The following OR1J2 variants were observed in gnomAD, a reference collection of about 807,000 sequenced individuals.
The protein encoded by OR1J2 is olfactory receptor family 1 subfamily J member 2.
For synonymous variants in OR1J2, 142 were observed against 99.7 expected (o/e 1.42, Z -2.52); for missense variants, 304 against 246.1 (o/e 1.24, Z -1.57).
the OR1J2 span, among the ~76,000 whole-genome samples, chr9:122,525,283 G>C: frequency 6.6e-6 from 1 of 152,154 alleles, no homozygotes; most frequent in Admixed American, 6.5e-5. Flanking sequence ...GCCTGGAACA[G>C]TTTGATTCCA....
the OR1J2 span, among the ~76,000 whole-genome samples, chr9:122,533,441 C>T: frequency 8.6e-5 from 13 of 151,976 alleles, no homozygotes; most frequent in Admixed American, 5.9e-4. Flanking sequence ...GGTGCATGAT[C>T]GGTTGCTAAG....
the OR1J2 span, among the ~76,000 whole-genome samples, chr9:122,450,595 G>T: frequency 6.6e-6 from 1 of 152,214 alleles, no homozygotes; most frequent in South Asian, 2.1e-4. Flanking sequence ...TTTCTTTGTG[G>T]TGAGAACATC....
At chr9:122,568,514 T>C in the OR1J2 span, 2 of 1,220,878 alleles carry the variant, frequency 1.6e-6, no homozygotes, top group South Asian at 2.9e-5. Flanking sequence ...AGTTTTGTCA[T>C]TTAACATGCT....
the OR1J2 span, among the ~76,000 whole-genome samples, chr9:122,558,880 T>A: frequency 6.6e-6 from 1 of 152,028 alleles, no homozygotes; most frequent in Non-Finnish European, 1.5e-5. Flanking sequence ...TCCCTTATAA[T>A]GTGGAAGTTT....
At chr9:122,546,389 A>G in the OR1J2 span, among the ~76,000 whole-genome samples, 1 of 152,160 alleles carries the variant, frequency 6.6e-6, no homozygotes, top group South Asian at 2.1e-4. Context: ...TGGGATTTTC[A>G]TAGGCTAGTT....
the OR1J2 span, among the ~76,000 whole-genome samples, chr9:122,564,164 G>A: frequency 6.6e-6 from 1 of 152,054 alleles, no homozygotes; most frequent in Admixed American, 6.6e-5. Flanking sequence ...CATCACTGTT[G>A]CCCTCTAGTT....
chr9:122,510,854 C>T lies in OR1J2; in HGVS notation c.53C>T (p.Pro18Leu), dbSNP rs749849611. The change falls in exon 1 of 1, where the codon CCC (proline) becomes CTC (leucine). Residue 18 changes from proline (P) to leucine (L), a missense_variant. Pro to Leu is a moderately conservative substitution (Grantham distance 98). Coordinates refer to ENST00000335302, the MANE Select transcript of OR1J2 (RefSeq NM_054107.1). Reference sequence around the variant, plus strand: ...TCCGAGTTCCTCCTTCTGGGCCTCCCCATCCGGCCAGAGCAGCAGGCTGTG... The same window carrying T: ...TCCGAGTTCCTCCTTCTGGGCCTCCTCATCCGGCCAGAGCAGCAGGCTGTG... ...SVSEFLLLGL[P>L]IRPEQQAVFF... is the part of the protein sequence containing the mutation. 8 of 1,608,778 alleles carry T rather than the reference C, an allele frequency of 5.0e-6. No homozygotes were observed. The Admixed American group carries it at 1.2e-4, about 24-fold the overall frequency.
At chr9:122,534,744 A>G in the OR1J2 span, among the ~76,000 whole-genome samples, 1 of 152,132 alleles carries the variant, frequency 6.6e-6, no homozygotes, top group African/African-American at 2.4e-5. Flanking sequence ...CTGAGGGGAC[A>G]GGTGGGAGGG....
chr9:122,482,975 T>C, the OR1J2 span, among the ~76,000 whole-genome samples: 1,391 of 152,268 alleles, frequency 9.1e-3, 19 homozygotes, highest in African/African-American at 0.032. Flanking sequence ...TTAACAACAT[T>C]GTATATTTCA....
At chr9:122,568,637 TG>T in the OR1J2 span, 2 of 556,086 alleles carry the variant, frequency 3.6e-6, no homozygotes. Flanking sequence ...TGGTCCTTGA[TG>T]GGGTCCTCCC....
At chr9:122,493,469 G>C in the OR1J2 span, among the ~76,000 whole-genome samples, 1 of 151,948 alleles carries the variant, frequency 6.6e-6, no homozygotes, top group African/African-American at 2.4e-5. Flanking sequence ...CATCTCCTAG[G>C]TTTTCTAGTA....
the OR1J2 span, among the ~76,000 whole-genome samples, chr9:122,550,521 C>T: frequency 6.6e-6 from 1 of 150,404 alleles, no homozygotes; most frequent in Non-Finnish European, 1.5e-5. Context: ...AAACTGAATC[C>T]AACAGCACAT....
In OR1J2 at chr9:122,511,695, A is replaced by C; in HGVS notation, c.894A>C (p.Lys298Asn). The C allele has an allele frequency of 1.3e-6, 1 of 780,988 alleles. No individual in the cohort carries two copies. The highest frequency in any genetic ancestry group is 1.3e-5 in the South Asian group (1 of 74,594). The allele number at this position is 780,988 out of a possible 1,614,324, so 48.4% of individuals were successfully genotyped here. ...ACAGCCTTAGGAACAGGGACATGAAAGAGGCCCTTGGGAAACTCTTCAGTA... is the reference window on the plus strand; with the variant it reads ...ACAGCCTTAGGAACAGGGACATGAACGAGGCCCTTGGGAAACTCTTCAGTA... ...FIYSLRNRDM[K>N]EALGKLFSRA... Residue 298 changes from lysine (K) to asparagine (N), a missense_variant, in exon 1 of 1, where the codon AAA becomes AAC. Transcript: ENST00000335302.
the OR1J2 span, among the ~76,000 whole-genome samples, chr9:122,451,460 C>T: frequency 2.6e-5 from 4 of 152,110 alleles, no homozygotes; most frequent in Non-Finnish European, 4.4e-5. Flanking sequence ...GCTGGGATTA[C>T]AGGCGTGAGC....
At chr9:122,489,522 T>C in the OR1J2 span, among the ~76,000 whole-genome samples, 1 of 152,074 alleles carries the variant, frequency 6.6e-6, no homozygotes, top group Admixed American at 6.6e-5. Flanking sequence ...AAGAAGTTGT[T>C]TTGCATGAGG....
the OR1J2 span, among the ~76,000 whole-genome samples, chr9:122,578,170 G>C: frequency 6.6e-6 from 1 of 152,142 alleles, no homozygotes; most frequent in African/African-American, 2.4e-5. Flanking sequence ...ATTATACAAG[G>C]CTGAGTGCAG....
At chr9:122,519,755 A>T in the OR1J2 span, 1 of 1,614,158 alleles carries the variant, frequency 6.2e-7, no homozygotes, top group Non-Finnish European at 8.5e-7. Context: ...TGGGACAGGC[A>T]GTCATTACTC....
chr9:122,448,096 C>G, the OR1J2 span, among the ~76,000 whole-genome samples: 1 of 152,108 alleles, frequency 6.6e-6, no homozygotes, highest in African/African-American at 2.4e-5. Context: ...TCTGAGTTCC[C>G]TCAGTATTTA....
At chr9:122,563,181 G>GTTTTTTTTTT in the OR1J2 span, among the ~76,000 whole-genome samples, 1 of 90,206 alleles carries the variant, frequency 1.1e-5, no homozygotes. Context: ...ACTAGCATTT[G>GTTTTTTTTTT]TTATTTTTTT....
Sources: allele counts gnomAD v4.1 joint callset (sites outside exome capture counted in the v4.1 genomes callset), GRCh38; gene constraint gnomAD v4.1.1; transcripts MANE v1.5; gene names NCBI Gene and HGNC (gene_info 2026-07-23, HGNC 2026-07-21).